Variants in GPC6 observed in about 807,000 individuals in gnomAD.
The protein encoded by GPC6 is glypican-6.
In GPC6, 14 loss-of-function variants were observed where a neutral mutation model predicts 55.2. The ratio of observed to expected loss-of-function variants is 0.25; its 90% CI spans 0.17 to 0.40. GPC6 has a LOEUF of 0.40. Ranked by LOEUF, GPC6 falls within the 10% of genes least tolerant of loss-of-function variation. The pLI is 1.00. For missense variants in GPC6, 641 were observed against 708.5 expected (o/e 0.90, Z 1.08); for synonymous variants, 278 against 259.6 (o/e 1.07, Z -0.68).
chr13:93,351,472 G>T (rs1342468709), intron 1 of GPC6, among the ~76,000 whole-genome samples: 1 of 151,998 alleles, frequency 6.6e-6, no homozygotes. Context: ...AGTTGTTAAA[G>T]GATACAAAAT....
intron 4 of GPC6, among the ~76,000 whole-genome samples, chr13:94,241,535 G>A (rs1039190259): frequency 1.3e-5 from 2 of 152,236 alleles, no homozygotes; most frequent in Admixed American, 1.3e-4. Flanking sequence ...GCAGAAAAAT[G>A]GTAATCTTGT....
rs1206325483 is a variant in GPC6, at chr13:94,173,979, T to A, written c.878-112370T>A. The stretch of plus-strand genomic sequence containing the variant: ...TTTGATTATCATCTTGATTACCAAC[T>A]ATGGCAATAGCCTACTCCATTGATA... On this transcript the variant is annotated intron_variant, in intron 4 of 8. Transcript: ENST00000377047. Among the ~76,000 whole-genome samples the A allele has an allele frequency of 1.3e-5, 2 of 152,316 alleles. 1 individual carries two copies. Among genetic ancestry groups the A allele is most frequent in the South Asian group, 4.1e-4 (2 of 4,828 alleles).
At chr13:94,031,509 G>A (rs1883136949) in intron 4 of GPC6, among the ~76,000 whole-genome samples, 1 of 152,070 alleles carries the variant, frequency 6.6e-6, no homozygotes, top group Admixed American at 6.5e-5. Flanking sequence ...ACAGGAGAGT[G>A]GCTTTTAGCC....
chr13:93,255,519 G>T (rs9561292), intron 1 of GPC6, among the ~76,000 whole-genome samples: 1 of 152,040 alleles, frequency 6.6e-6, no homozygotes, highest in African/African-American at 2.4e-5. Flanking sequence ...AAGTGTTTGG[G>T]TTTTTTTCCC....
At chr13:94,336,695 A>G (rs969973921) in intron 6 of GPC6, among the ~76,000 whole-genome samples, 1 of 152,186 alleles carries the variant, frequency 6.6e-6, no homozygotes, top group Non-Finnish European at 1.5e-5. Flanking sequence ...AACAACAACA[A>G]CAACAAAAGA....
chr13:93,463,601 A>G (rs1878787281), intron 1 of GPC6, among the ~76,000 whole-genome samples: 1 of 152,180 alleles, frequency 6.6e-6, no homozygotes, highest in Non-Finnish European at 1.5e-5. Context: ...AGTAATTTTT[A>G]GCATGCCACT....
At chr13:93,414,549 G>C (rs1876626005) in intron 1 of GPC6, among the ~76,000 whole-genome samples, 1 of 151,304 alleles carries the variant, frequency 6.6e-6, no homozygotes, top group South Asian at 2.1e-4. Flanking sequence ...TTGGCACACT[G>C]TGGGTGTTGA....
chr13:93,931,016 G>A (rs1335077445), intron 3 of GPC6, among the ~76,000 whole-genome samples: 4 of 151,968 alleles, frequency 2.6e-5, no homozygotes, highest in African/African-American at 7.3e-5. Flanking sequence ...ACCAGATCTC[G>A]CAAGCGCTCA....
intron 4 of GPC6, among the ~76,000 whole-genome samples, chr13:94,161,988 G>A (rs1025124449): frequency 3.3e-5 from 5 of 152,080 alleles, no homozygotes; most frequent in Non-Finnish European, 5.9e-5. Flanking sequence ...GATCTCATAA[G>A]ACTTATTCAC....
intron 1 of GPC6, among the ~76,000 whole-genome samples, chr13:93,283,927 A>G (rs1414275874): frequency 1.3e-5 from 2 of 152,314 alleles, no homozygotes; most frequent in Admixed American, 6.5e-5. Context: ...AAGCCCACTT[A>G]CAATTTCACA....
chr13:94,113,894 T>C (rs924910331), intron 4 of GPC6, among the ~76,000 whole-genome samples: 49 of 151,276 alleles, frequency 3.2e-4, no homozygotes, highest in Non-Finnish European at 6.0e-4. Flanking sequence ...TGGTGGCACA[T>C]GTCTGTAGTC....
At chr13:93,231,157 T>C (rs1875988456) in intron 1 of GPC6, among the ~76,000 whole-genome samples, 1 of 151,392 alleles carries the variant, frequency 6.6e-6, no homozygotes, top group South Asian at 2.1e-4. Context: ...TAAACTTACC[T>C]AAGGGTGACT....
chr13:94,282,686 T>A (rs965083331), intron 4 of GPC6, among the ~76,000 whole-genome samples: 4 of 152,206 alleles, frequency 2.6e-5, no homozygotes, highest in Non-Finnish European at 4.4e-5. Context: ...GTCTGGCACC[T>A]TGGCAAGGGT....
At chr13:93,816,752 TCAAC>T (rs1375557615) in intron 2 of GPC6, among the ~76,000 whole-genome samples, 1 of 152,172 alleles carries the variant, frequency 6.6e-6, no homozygotes, top group Non-Finnish European at 1.5e-5. Context: ...ACTATATTCT[TCAAC>T]CAATTGTAAA....
intron 3 of GPC6, among the ~76,000 whole-genome samples, chr13:93,967,567 C>T (rs1336349078): frequency 6.6e-6 from 1 of 152,108 alleles, no homozygotes; most frequent in Admixed American, 6.6e-5. Context: ...CCTGGTGCAA[C>T]AAATGTTTCT....
intron 4 of GPC6, among the ~76,000 whole-genome samples, chr13:94,216,994 C>T (rs865798773): frequency 1.3e-5 from 2 of 152,138 alleles, no homozygotes; most frequent in African/African-American, 2.4e-5. Flanking sequence ...GTTTTCTCAT[C>T]GACAAAATGG....
chr13:93,410,713 T>C (rs1449241374), intron 1 of GPC6, among the ~76,000 whole-genome samples: 1 of 152,234 alleles, frequency 6.6e-6, no homozygotes, highest in Non-Finnish European at 1.5e-5. Flanking sequence ...AAAAATCTTA[T>C]GAAGTGTTAC....
At chr13:93,675,580 TG>T (rs1421130206) in intron 2 of GPC6, among the ~76,000 whole-genome samples, 2 of 152,168 alleles carry the variant, frequency 1.3e-5, no homozygotes, top group African/African-American at 4.8e-5. Context: ...AAAAGAGTGC[TG>T]TAATCAGCCT....
chr13:94,184,483 A>G (rs1419108925), intron 4 of GPC6, among the ~76,000 whole-genome samples: 1 of 152,208 alleles, frequency 6.6e-6, no homozygotes, highest in Non-Finnish European at 1.5e-5. Context: ...GACAAAGGAC[A>G]TAACAGATAC....
Sources: gnomAD v4.1 joint callset for allele counts (sites outside exome capture counted in the v4.1 genomes callset) on GRCh38, gnomAD v4.1.1 for gene constraint, MANE v1.5 for transcripts, NCBI Gene and HGNC (gene_info 2026-07-23, HGNC 2026-07-21) for gene names.